LGALS3: variants seen among roughly 807,000 people sequenced by gnomAD.
The protein encoded by LGALS3 is galectin 3, also known as galectin-3.
Under a neutral mutation model 20.7 loss-of-function variants are expected in LGALS3, and 18 were observed. That is an observed-to-expected ratio of 0.87 (90% CI 0.60 to 1.29). The LOEUF (loss-of-function observed/expected upper bound fraction) is 1.29. Ranked by LOEUF, LGALS3 falls within the 50% of genes most tolerant of loss-of-function variation. LGALS3 has a pLI of 0.00. For missense variants in LGALS3, 315 were observed against 314.7 expected (o/e 1.00, Z -0.01); for synonymous variants, 112 against 119.6 (o/e 0.94, Z 0.42).
At chr14:55,142,265 C>T (rs2140296320) in intron 4 of LGALS3, among the ~76,000 whole-genome samples, 1 of 152,236 alleles carries the variant, frequency 6.6e-6, no homozygotes, top group South Asian at 2.1e-4. Context: ...GGCTCTAAAC[C>T]TCTGTAAGAA....
chr14:55,138,509 A>C, intron 3 of LGALS3, 141 bp downstream of exon 3: 1 of 880,980 alleles, frequency 1.1e-6, no homozygotes, highest in Non-Finnish European at 1.9e-6. Flanking sequence ...TTAAGTGTTC[A>C]TATTGAGCTT....
At chr14:55,145,056 C>A in intron 5 of LGALS3, 60 bp from the exon 6 acceptor site, 2 of 1,371,930 alleles carry the variant, frequency 1.5e-6, no homozygotes, top group South Asian at 1.2e-5. Flanking sequence ...TTGTGGAATG[C>A]CTAAATCCAG....
At chr14:55,137,095 A>C in intron 1 of LGALS3, 1 of 546,706 alleles carries the variant, frequency 1.8e-6, no homozygotes, top group Non-Finnish European at 3.3e-6. Context: ...AGAGTAGGGG[A>C]TGGGGCAGTT....
At chr14:55,139,797 G>A (rs1881553682) in intron 3 of LGALS3, among the ~76,000 whole-genome samples, 1 of 152,168 alleles carries the variant, frequency 6.6e-6, no homozygotes, top group Non-Finnish European at 1.5e-5. Context: ...TGTTAACAGT[G>A]TTCATTCCAT....
chr14:55,134,172 C>T (rs527656044), intron 1 of LGALS3, among the ~76,000 whole-genome samples: 10 of 152,166 alleles, frequency 6.6e-5, no homozygotes, highest in Admixed American at 1.3e-4. Flanking sequence ...TCCCAAATGA[C>T]TGGGATTACA....
Position 55,137,451 on chromosome 14 carries a change from GTT to G in LGALS3, c.18+63_18+64del, listed in dbSNP as rs1478732409. On this transcript the variant is annotated intron_variant, in intron 2 of 5. Transcript: ENST00000254301. ...AGCTCCACATGGTTGAGGGTTGGGG[GTT>G]TTGTTTTTACCATGACTTTCCCTTT... 7 of 1,613,940 alleles carry G rather than the reference GTT, an allele frequency of 4.3e-6. No homozygotes were observed. The East Asian group carries it at 1.6e-4, about 36-fold the overall frequency.
chr14:55,131,578 T>C (rs947715524), intron 1 of LGALS3, among the ~76,000 whole-genome samples: 2 of 152,160 alleles, frequency 1.3e-5, no homozygotes, highest in Non-Finnish European at 2.9e-5. Context: ...CCTGTGATCG[T>C]TTGGGACACA....
intron 1 of LGALS3, among the ~76,000 whole-genome samples, chr14:55,131,958 T>G (rs1356169703): frequency 6.6e-6 from 1 of 152,208 alleles, no homozygotes; most frequent in African/African-American, 2.4e-5. Context: ...GCCTCTTGTG[T>G]TACTTGAGGA....
intron 1 of LGALS3, among the ~76,000 whole-genome samples, chr14:55,130,995 C>T (rs1477081919): frequency 3.3e-5 from 5 of 152,162 alleles, no homozygotes; most frequent in Non-Finnish European, 4.4e-5. Context: ...GACTCTCAAT[C>T]CTTAGGGTAG....
chr14:55,143,319 G>A (rs1277615226), intron 5 of LGALS3: 1 of 241,904 alleles, frequency 4.1e-6, no homozygotes, highest in African/African-American at 2.4e-5. Context: ...ATAGAGTGGT[G>A]AATAAAACAG....
chr14:55,129,941 TC>T lies in LGALS3; in HGVS notation c.-5+643del, dbSNP rs1268723138. ...TCGCTGTGGAGCGCGAATGAGTTCT[TC>T]CACCGGGACCAGCTGCGGCCGGGCT... On this transcript the variant is annotated intron_variant, in intron 1 of 5. Coordinates refer to ENST00000254301, the MANE Select transcript of LGALS3 (RefSeq NM_002306.4). This position sits in a 1 kb window ranked among gnomAD's most constrained non-coding sequence, Gnocchi z 5.3. 6.6e-6 allele frequency among the ~76,000 whole-genome samples: 1 copy of T among 152,096 alleles called. No homozygotes were observed. The highest frequency in any genetic ancestry group is 2.4e-5 in the African/African-American group (1 of 41,404).
chr14:55,138,331 C>T lies in LGALS3; in HGVS notation c.305C>T (p.Pro102Leu). The T allele has an allele frequency of 6.2e-7, 1 of 1,612,850 alleles. No individual in the cohort carries two copies. Among genetic ancestry groups the T allele is most frequent in the Admixed American group, 1.7e-5 (1 of 59,986 alleles). Reference protein sequence around the residue: ...SGQPSATGAYPATGPYGAPAG... With the variant: ...SGQPSATGAYLATGPYGAPAG... ...CAGCCAAGTGCCACCGGAGCCTACC[C>T]TGCCACTGGCCCCTATGGCGCCCCT... Residue 102 changes from proline to leucine, a missense_variant, in exon 3 of 6, where the codon CCT (proline) becomes CTT (leucine). Transcript: ENST00000254301.
chr14:55,133,950 T>C (rs1881306254), intron 1 of LGALS3, among the ~76,000 whole-genome samples: 1 of 152,200 alleles, frequency 6.6e-6, no homozygotes, highest in South Asian at 2.1e-4. Flanking sequence ...ACCTTTTTGG[T>C]TTTTATTGAA....
intron 1 of LGALS3, among the ~76,000 whole-genome samples, chr14:55,131,312 T>C (rs2147972): frequency 0.36 from 54,389 of 152,112 alleles, 10,300 homozygotes; most frequent in Non-Finnish European, 0.41. Flanking sequence ...TAGTTCGCTG[T>C]ACTACAAATA....
In LGALS3 at chr14:55,145,157, G is replaced by C; in HGVS notation, c.639G>C (p.Val213=). ...AACCTGACCACTTCAAGGTTGCAGT[G>C]AATGATGCTCACTTGTTGCAGTACA... is the stretch of plus-strand genomic sequence containing the variant. The part of the protein sequence containing the change: ...LVEPDHFKVA[V]NDAHLLQYNH... Residue 213 remains valine, a synonymous_variant, in exon 6 of 6, where the codon GTG becomes GTC. Transcript: ENST00000254301. 1 of 1,614,018 alleles carries C rather than the reference G, an allele frequency of 6.2e-7. No individual in the cohort carries two copies. The highest frequency in any genetic ancestry group is 8.5e-7 in the Non-Finnish European group (1 of 1,179,976).
chr14:55,131,656 G>T (rs886917969), intron 1 of LGALS3, among the ~76,000 whole-genome samples: 1 of 152,194 alleles, frequency 6.6e-6, no homozygotes, highest in Admixed American at 6.5e-5. Context: ...AATTCTGAGT[G>T]GGTAACTTAA....
Position 55,142,657 on chromosome 14 carries a change from A to G in LGALS3, c.505A>G (p.Arg169Gly). 6.2e-7 allele frequency: 1 copy of G among 1,612,774 alleles called. No individual in the cohort carries two copies. Among genetic ancestry groups the G allele is most frequent in the Non-Finnish European group, 8.5e-7 (1 of 1,178,722 alleles). The change falls in exon 5 of 6, where the codon AGA (arginine) becomes GGA (glycine). Residue 169 changes from arginine to glycine, a missense_variant. Coordinates refer to ENST00000254301, the MANE Select transcript of LGALS3 (RefSeq NM_002306.4). Reference protein sequence around the residue: ...FNPRFNENNRRVIVCNTKLDN... With the variant: ...FNPRFNENNRGVIVCNTKLDN... Reference sequence around the variant, plus strand: ...CCCACGCTTCAATGAGAACAACAGGAGAGTCATTGTTTGCAATACAAAGCT... The same window carrying G: ...CCCACGCTTCAATGAGAACAACAGGGGAGTCATTGTTTGCAATACAAAGCT...
chr14:55,137,830 GGAGGC>G, intron 2 of LGALS3: 2 of 1,300,890 alleles, frequency 1.5e-6, no homozygotes, highest in Non-Finnish European at 1.9e-6. Context: ...TGAGACGTTG[GGAGGC>G]AAGAATAAAG....
intron 5 of LGALS3, 114 bp from the exon 6 acceptor site, chr14:55,145,002 T>A (rs900733052): frequency 1.2e-5 from 10 of 833,872 alleles, no homozygotes; most frequent in Non-Finnish European, 1.9e-5. Flanking sequence ...TTTATTTCAG[T>A]TGACAAAAAA....
Sources: allele counts gnomAD v4.1 joint callset (sites outside exome capture counted in the v4.1 genomes callset), GRCh38; gene constraint gnomAD v4.1.1; non-coding constraint Gnocchi (gnomAD v3.1); transcripts MANE v1.5; gene names NCBI Gene and HGNC (gene_info 2026-07-23, HGNC 2026-07-21).